The following DAB1 variants were observed in gnomAD, a reference collection of about 807,000 sequenced individuals.
DAB1 encodes DAB adaptor protein 1, also known as disabled homolog 1.
DAB1 carries 15 observed loss-of-function variants against 64.6 expected under a neutral mutation model. The observed-to-expected ratio is 0.23, with a 90% CI of 0.16 to 0.36. DAB1 has a LOEUF of 0.36. DAB1 is among the 10% of genes least tolerant of loss of function. The pLI is 1.00. For missense variants in DAB1, 596 were observed against 706.7 expected, an observed-to-expected ratio of 0.84 and a Z score of 1.78; for synonymous variants, 235 against 251.9, an observed-to-expected ratio of 0.93 and a Z score of 0.64.
At chr1:58,536,558 C>T in intron 1 of DAB1, 1 of 872,780 alleles carries the variant, frequency 1.1e-6, no homozygotes, top group Admixed American at 1.7e-5. Context: ...GTTCTTTCCC[C>T]AATAATAGTA....
chr1:57,172,827 G>A (rs1384407670), intron 2 of DAB1, among the ~76,000 whole-genome samples: 1 of 152,040 alleles, frequency 6.6e-6, no homozygotes, highest in African/African-American at 2.4e-5. Flanking sequence ...TCCAACACTG[G>A]GGATCAACTT....
At chr1:58,089,577 T>C (rs1413427809) in intron 5 of DAB1, among the ~76,000 whole-genome samples, 2 of 152,212 alleles carry the variant, frequency 1.3e-5, no homozygotes, top group African/African-American at 4.8e-5. Flanking sequence ...TGGTCTGAAT[T>C]CTTTACATCC....
chr1:57,822,797 C>T (rs901441201), downstream of DAB1, among the ~76,000 whole-genome samples: 1 of 151,592 alleles, frequency 6.6e-6, no homozygotes, highest in South Asian at 2.1e-4. Flanking sequence ...ATTTTTAGAC[C>T]AGTAAATCTA....
chr1:58,207,888 C>T (rs1263845864), intron 4 of DAB1, among the ~76,000 whole-genome samples: 1 of 152,094 alleles, frequency 6.6e-6, no homozygotes, highest in Non-Finnish European at 1.5e-5. Flanking sequence ...GAAGGACATA[C>T]CTGAGACTGA....
At chr1:57,728,127 G>A (rs752185142) in intron 6 of DAB1, among the ~76,000 whole-genome samples, 4 of 152,180 alleles carry the variant, frequency 2.6e-5, no homozygotes, top group Admixed American at 6.5e-5. Flanking sequence ...CTGACCTACC[G>A]GATGTTGTCT....
chr1:57,929,295 T>C (rs1349094529), intron 5 of DAB1, among the ~76,000 whole-genome samples: 1 of 152,390 alleles, frequency 6.6e-6, no homozygotes, highest in African/African-American at 2.4e-5. Context: ...TGTGTTCTTA[T>C]TGAGTGTTAA....
chr1:58,286,068 G>C (rs475460), intron 4 of DAB1, among the ~76,000 whole-genome samples: 139,809 of 152,176 alleles, frequency 0.92, 64,245 homozygotes, highest in South Asian at 0.95. Flanking sequence ...ATTGGGGAAA[G>C]GATTCCCTAT....
chr1:57,108,258 C>A (rs976858933), intron 4 of DAB1, among the ~76,000 whole-genome samples: 2 of 152,146 alleles, frequency 1.3e-5, no homozygotes, highest in African/African-American at 4.8e-5. Flanking sequence ...TTGTTAAATT[C>A]GGTAAGGAGA....
At chr1:57,653,202 A>G (rs1308369854) in intron 6 of DAB1, among the ~76,000 whole-genome samples, 1 of 152,138 alleles carries the variant, frequency 6.6e-6, no homozygotes, top group Non-Finnish European at 1.5e-5. Context: ...CCCTCCCATG[A>G]ATTTCTTCCC....
rs191372024 is a variant in DAB1, at chr1:57,300,491, T to C, written c.-136-9325A>G. The stretch of plus-strand genomic sequence containing the variant: ...CTGAGTTCAGGAAGACAAGTAAATG[T>C]TAGTCACCTTAAGAAGAAAAGCTGT... On this transcript the variant is annotated intron_variant, in intron 1 of 14. Transcript: ENST00000371236. 6.0e-4 allele frequency among the ~76,000 whole-genome samples: 91 copies of C among 152,276 alleles called. 1 individual carries two copies. The highest frequency in any genetic ancestry group is 2.1e-3 in the African/African-American group (86 of 41,552).
At chr1:57,222,105 A>G (rs543116417) in intron 2 of DAB1, among the ~76,000 whole-genome samples, 9 of 152,020 alleles carry the variant, frequency 5.9e-5, no homozygotes, top group Middle Eastern at 3.4e-3. Context: ...TATTGTTGTT[A>G]TTGTTCCTTT....
At chr1:58,433,785 C>T (rs148462472) in intron 3 of DAB1, among the ~76,000 whole-genome samples, 2 of 152,246 alleles carry the variant, frequency 1.3e-5, no homozygotes, top group Non-Finnish European at 1.5e-5. Context: ...GAGGGCAGAG[C>T]ACTCATGACC....
intron 7 of DAB1, among the ~76,000 whole-genome samples, chr1:57,597,388 T>C (rs925496287): frequency 6.6e-6 from 1 of 152,206 alleles, no homozygotes; most frequent in African/African-American, 2.4e-5. Context: ...TTCCTAGCTG[T>C]GTAGCACTGG....
intron 1 of DAB1, among the ~76,000 whole-genome samples, chr1:57,422,147 CTTTAA>C (rs1336430942): frequency 1.3e-5 from 2 of 152,144 alleles, no homozygotes; most frequent in African/African-American, 4.8e-5. Context: ...CGTAAGCCAC[CTTTAA>C]TTTAATTGAT....
intron 5 of DAB1, among the ~76,000 whole-genome samples, chr1:57,897,298 T>A (rs1398986553): frequency 6.6e-6 from 1 of 152,186 alleles, no homozygotes; most frequent in Non-Finnish European, 1.5e-5. Context: ...TGGGAAAATG[T>A]TTAATTATTT....
intron 7 of DAB1, among the ~76,000 whole-genome samples, chr1:57,565,930 T>C (rs953622527): frequency 1.3e-5 from 2 of 152,194 alleles, no homozygotes; most frequent in Non-Finnish European, 2.9e-5. Flanking sequence ...GCAGACCTAA[T>C]AGACATCTAC....
chr1:57,549,530 C>T (rs1239410553), intron 7 of DAB1, among the ~76,000 whole-genome samples: 3 of 152,174 alleles, frequency 2.0e-5, no homozygotes, highest in African/African-American at 7.2e-5. Flanking sequence ...GGCACAGCTC[C>T]TGGAGAGCTT....
At position 57,181,056 on chromosome 1, in the gene DAB1, G is replaced by A. The variant is rs374148776; in HGVS notation, c.68-35627C>T. 3.0e-4 allele frequency among the ~76,000 whole-genome samples: 46 copies of A among 152,264 alleles called. 1 individual carries two copies. In the South Asian group the frequency reaches 8.1e-3, roughly 27 times the overall value. ...TGTGTGGGCATCTTTATCTCTGTCC[G>A]CTGCTCAAATGCCAAATGTCTGACC... On this transcript the variant is annotated intron_variant, in intron 2 of 14. Coordinates refer to ENST00000371236, the MANE Select transcript of DAB1 (RefSeq NM_001365792.1).
chr1:57,012,913 T>C (rs1046118359), intron 12 of DAB1, among the ~76,000 whole-genome samples: 1 of 152,254 alleles, frequency 6.6e-6, no homozygotes, highest in Admixed American at 6.5e-5. Flanking sequence ...AGTTTATTTA[T>C]GCAGGTGTCT....
Sources: gnomAD v4.1 joint callset for allele counts (sites outside exome capture counted in the v4.1 genomes callset) on GRCh38, gnomAD v4.1.1 for gene constraint, MANE v1.5 for transcripts, NCBI Gene and HGNC (gene_info 2026-07-23, HGNC 2026-07-21) for gene names.